The following MLLT6 variants were observed in gnomAD, a reference collection of about 807,000 sequenced individuals.
MLLT6 encodes the protein MLLT6, PHD finger containing.
MLLT6 carries 22 observed loss-of-function variants against 103.0 expected under a neutral mutation model. The ratio of observed to expected loss-of-function variants is 0.21; its 90% CI spans 0.15 to 0.31. The LOEUF (loss-of-function observed/expected upper bound fraction) is 0.31, where lower values mean the gene tolerates loss of function less well. MLLT6 is among the 10% of genes least tolerant of loss of function. MLLT6 has a pLI of 1.00. For synonymous variants in MLLT6, 606 were observed against 623.5 expected (o/e 0.97, Z 0.42); for missense variants, 1,199 against 1,441.7 (o/e 0.83, Z 2.73).
intron 12 of MLLT6, 148 bp from the exon 13 acceptor site, chr17:38,719,369 G>A: frequency 1.4e-6 from 1 of 735,844 alleles, no homozygotes; most frequent in Non-Finnish European, 2.3e-6. Flanking sequence ...AGGGCCCTCA[G>A]CGCTGGCCTT....
chr17:38,713,131 C>G (rs745643776), intron 8 of MLLT6: 1 of 704,028 alleles, frequency 1.4e-6, no homozygotes, highest in Admixed American at 2.0e-5. Flanking sequence ...CCCCAGAGAT[C>G]GGTAGAGGAC....
chr17:38,724,884 G>A lies in MLLT6; in HGVS notation c.3148G>A (p.Ala1050Thr). ...AGCAGCTGCAGCTGCAGCAGTAGCA[G>A]CAGCAGGCGGACCTCCAGTCCTCAC... ...AAAAAAAAVAAAGGPPVLTAQ... is the reference protein window; with the variant it reads ...AAAAAAAAVATAGGPPVLTAQ... The change falls in exon 19 of 20, where the codon GCA becomes ACA. Residue 1050 changes from alanine to threonine, a missense_variant. This residue lies in a region of MLLT6 where 55 missense variants were observed against 93.3 expected (regional missense o/e 0.59). Coordinates refer to ENST00000621332, the MANE Select transcript of MLLT6 (RefSeq NM_005937.4). This position sits in a 1 kb window ranked among gnomAD's most constrained non-coding sequence, Gnocchi z 5.4. 1 of 1,557,734 alleles carries A rather than the reference G, an allele frequency of 6.4e-7. No individual in the cohort carries two copies. The highest frequency in any genetic ancestry group is 8.7e-7 in the Non-Finnish European group (1 of 1,150,928).
In MLLT6 at chr17:38,707,019, C is replaced by T; in HGVS notation, c.179C>T (p.Ala60Val). Residue 60 changes from alanine (A) to valine (V), a missense_variant, in exon 2 of 20, where the codon GCA (alanine) becomes GTA (valine). Physicochemically the swap from Ala to Val is moderately conservative, Grantham distance 64. Transcript: ENST00000621332. The part of the protein sequence containing the change: ...FCRKCESQER[A>V]ARVRCELCPH... ...CGGAAATGTGAATCTCAGGAGCGAG[C>T]AGCCAGGGTGGTGAGTTCCAGACTG... is the stretch of plus-strand genomic sequence containing the variant. 6.2e-7 allele frequency: 1 copy of T among 1,611,440 alleles called. No homozygotes were observed. Among genetic ancestry groups the T allele is most frequent in the Non-Finnish European group, 8.5e-7 (1 of 1,177,926 alleles).
In MLLT6 at chr17:38,707,815, C is replaced by T. The variant is rs1904994479; in HGVS notation, c.297C>T (p.Asn99=). 1.9e-6 allele frequency: 3 copies of T among 1,613,974 alleles called. No homozygotes were observed. The highest frequency in any genetic ancestry group is 1.1e-5 in the South Asian group (1 of 91,014). Reference sequence around the variant, plus strand: ...ACATCCCCGAGGTGCAATTTGCCAACGTGCTCACCATGGAGCCCATCGTGC... The same window carrying T: ...ACATCCCCGAGGTGCAATTTGCCAATGTGCTCACCATGGAGCCCATCGTGC... ...ALYIPEVQFA[N]VLTMEPIVLQ... is the part of the protein sequence containing the mutation. Residue 99 remains asparagine, a synonymous_variant, in exon 4 of 20, where the codon AAC becomes AAT. Transcript: ENST00000621332.
chr17:38,719,295 C>T (rs1905537450), intron 12 of MLLT6: 1 of 564,364 alleles, frequency 1.8e-6, no homozygotes, highest in Non-Finnish European at 3.1e-6. Flanking sequence ...GTGGAGCCTT[C>T]AGCCCAGAGG....
In MLLT6 at chr17:38,707,818, G is replaced by A. The variant is rs1753569433; in HGVS notation, c.300G>A (p.Val100=). The A allele has an allele frequency of 6.2e-7, 1 of 1,613,786 alleles. No individual in the cohort carries two copies. Among genetic ancestry groups the A allele is most frequent in the Non-Finnish European group, 8.5e-7 (1 of 1,179,920 alleles). The change falls in exon 4 of 20, where the codon GTG becomes GTA. Residue 100 remains valine, a synonymous_variant. Coordinates refer to ENST00000621332, the MANE Select transcript of MLLT6 (RefSeq NM_005937.4). ...TCCCCGAGGTGCAATTTGCCAACGT[G>A]CTCACCATGGAGCCCATCGTGCTGC... The part of the protein sequence containing the change: ...LYIPEVQFAN[V]LTMEPIVLQY...
intron 12 of MLLT6, chr17:38,718,551 T>C (rs975587806): frequency 5.9e-5 from 9 of 152,044 alleles, no homozygotes. Context: ...GGGAAGTTAC[T>C]GCTCCATCTC....
chr17:38,719,457 C>T (rs2143697370), intron 12 of MLLT6, 60 bp from the exon 13 acceptor site: 1 of 1,414,344 alleles, frequency 7.1e-7, no homozygotes. Flanking sequence ...CATCTGGGGG[C>T]GGGGACCCTG....
Position 38,705,686 on chromosome 17 carries a change from C to G in MLLT6, c.54C>G (p.Ala18=), listed in dbSNP as rs572344811. The G allele has an allele frequency of 1.9e-6, 3 of 1,568,184 alleles. No individual in the cohort carries two copies. Among genetic ancestry groups the G allele is most frequent in the South Asian group, 1.1e-5 (1 of 87,332 alleles). Reference sequence around the variant, plus strand: ...TATGTTCGGACGAGAGGGGCTGGGCCGAGAACCCGCTGGTCTACTGCGATG... The same window carrying G: ...TATGTTCGGACGAGAGGGGCTGGGCGGAGAACCCGCTGGTCTACTGCGATG... ...CCVCSDERGW[A]ENPLVYCDGH... The change falls in exon 1 of 20, where the codon GCC becomes GCG. Residue 18 remains alanine (A), a synonymous_variant. Transcript: ENST00000621332.
chr17:38,719,311 G>GCTGCTCTCTTC, intron 12 of MLLT6: 1 of 584,748 alleles, frequency 1.7e-6, no homozygotes, highest in Non-Finnish European at 3.0e-6. Flanking sequence ...AGAGGAGGAA[G>GCTGCTCTCTTC]AGAGCAGATG....
chr17:38,721,859 C>T lies in MLLT6; in HGVS notation c.2443-19C>T. The T allele has an allele frequency of 1.3e-6, 2 of 1,530,910 alleles. No homozygotes were observed. The highest frequency in any genetic ancestry group is 2.4e-5 in the South Asian group (2 of 83,976). The allele number at this position is 1,530,910 out of a possible 1,614,324, so 94.8% of individuals were successfully genotyped here. On this transcript the variant is annotated intron_variant, in intron 16 of 19. Transcript: ENST00000621332. Reference sequence around the variant, plus strand: ...GTCATGCTGGCCCTCTGACCCCTCCCTTCCCCCTCCCTCCCCAGGACCCAC... The same window carrying T: ...GTCATGCTGGCCCTCTGACCCCTCCTTTCCCCCTCCCTCCCCAGGACCCAC...
chr17:38,720,365 T>G lies in MLLT6; in HGVS notation c.2156-7T>G. 1.5e-6 allele frequency: 2 copies of G among 1,331,802 alleles called. No individual in the cohort carries two copies. Among genetic ancestry groups the G allele is most frequent in the South Asian group, 1.1e-5 (1 of 87,288 alleles). 82.5% of individuals were successfully genotyped at this position (1,331,802 alleles called of 1,614,324 possible). A position where few individuals can be genotyped will look rare whatever the true frequency, so the allele number is the denominator to read the frequency against. ...CCCCTCCCTCAGGTTCCTCGCTCTC[T>G]CCGCAGTCGTGGAGATGCTGAAGGC... On this transcript the variant is annotated splice_polypyrimidine_tract_variant and splice_region_variant and intron_variant, in intron 14 of 19. Transcript: ENST00000621332.
At chr17:38,720,317 C>CT in intron 14 of MLLT6, 55 bp from the exon 15 acceptor site, 1 of 776,614 alleles carries the variant, frequency 1.3e-6, no homozygotes, top group South Asian at 1.6e-5. Flanking sequence ...CCCCGGTCCC[C>CT]TGGCCCCGCC....
intron 7 of MLLT6, 114 bp downstream of exon 7, chr17:38,712,128 T>G (rs917591863): frequency 9.5e-6 from 13 of 1,370,920 alleles, no homozygotes; most frequent in Admixed American, 7.0e-5. Flanking sequence ...GCCTTCTTCC[T>G]TCCTCTGAGG....
rs191490815 is a variant in MLLT6, at chr17:38,719,949, C to T, written c.2155+54C>T. The T allele has an allele frequency of 2.1e-3, 3,225 of 1,501,336 alleles. 75 individuals are homozygous for T. The African/African-American group carries it at 0.039, about 18-fold the overall frequency. 93.0% of individuals were successfully genotyped at this position (1,501,336 alleles called of 1,614,324 possible). ...CCTGCCCTAGGGCCCTAACAGTCAC[C>T]TTTCTCCCCGAGGTCCCCAAGCTTC... is the stretch of plus-strand genomic sequence containing the variant. On this transcript the variant is annotated intron_variant, in intron 14 of 19. Coordinates refer to ENST00000621332, the MANE Select transcript of MLLT6 (RefSeq NM_005937.4).
At chr17:38,710,807 C>A (rs904031336) in intron 6 of MLLT6, among the ~76,000 whole-genome samples, 1 of 152,106 alleles carries the variant, frequency 6.6e-6, no homozygotes, top group Non-Finnish European at 1.5e-5. Context: ...TTGAAAGTGT[C>A]CAGGTTTGGA....
chr17:38,720,485 C>T lies in MLLT6; in HGVS notation c.2269C>T (p.Leu757Phe). The change falls in exon 15 of 20, where the codon CTC becomes TTC. Residue 757 changes from leucine to phenylalanine, a missense_variant. Leu to Phe is a conservative substitution (Grantham distance 22). This residue lies in a region of MLLT6 where 1,034 missense variants were observed against 1,091.5 expected (regional missense o/e 0.95). Coordinates refer to ENST00000621332, the MANE Select transcript of MLLT6 (RefSeq NM_005937.4). Reference protein sequence around the residue: ...KERLQILNVQLSVPFPALPAA... With the variant: ...KERLQILNVQFSVPFPALPAA... ...GCGGCTGCAGATTCTCAACGTGCAG[C>T]TCTCTGTGCCCTTCCCTGCCCTGCC... The T allele has an allele frequency of 6.2e-7, 1 of 1,612,876 alleles. No individual in the cohort carries two copies. The highest frequency in any genetic ancestry group is 8.5e-7 in the Non-Finnish European group (1 of 1,179,922).
At position 38,709,396 on chromosome 17, in the gene MLLT6, G is replaced by A. The variant is rs1264370494; in HGVS notation, c.459-86G>A. The A allele has an allele frequency of 3.5e-6, 5 of 1,433,084 alleles. No homozygotes were observed. Among genetic ancestry groups the A allele is most frequent in the Non-Finnish European group, 3.9e-6 (4 of 1,015,210 alleles). 88.8% of individuals were successfully genotyped at this position (1,433,084 alleles called of 1,614,324 possible). On this transcript the variant is annotated intron_variant, in intron 5 of 19. Coordinates refer to ENST00000621332, the MANE Select transcript of MLLT6 (RefSeq NM_005937.4). This position sits in a 1 kb window ranked among gnomAD's most constrained non-coding sequence, Gnocchi z 4.3. Reference sequence around the variant, plus strand: ...CAATGCTTTGGATGGTCTTGGCTTCGCCTCAGCAGGGGGCCAGGAGGGTGA... The same window carrying A: ...CAATGCTTTGGATGGTCTTGGCTTCACCTCAGCAGGGGGCCAGGAGGGTGA...
rs1279419677 is a variant in MLLT6, at chr17:38,724,009, CTGGGATTATAGGCG to C, written c.2884-608_2884-595del. ...CCACCGGCCTCAGCCTCCCAAAGTG[CTGGGATTATAGGCG>C]TGAGCCACCGTGTCCGGCGAATTGA... On this transcript the variant is annotated intron_variant, in intron 18 of 19. Coordinates refer to ENST00000621332, the MANE Select transcript of MLLT6 (RefSeq NM_005937.4). The surrounding 1 kb of genome is among the most constrained non-coding windows in gnomAD (Gnocchi z 5.4). 3.3e-5 allele frequency among the ~76,000 whole-genome samples: 5 copies of C among 152,258 alleles called. No homozygotes were observed. The highest frequency in any genetic ancestry group is 7.4e-5 in the Non-Finnish European group (5 of 68,018).
Sources: allele counts gnomAD v4.1 joint callset (sites outside exome capture counted in the v4.1 genomes callset), GRCh38; gene constraint gnomAD v4.1.1; regional missense constraint gnomAD v4.1.1; non-coding constraint Gnocchi (gnomAD v3.1); transcripts MANE v1.5; gene names NCBI Gene and HGNC (gene_info 2026-07-23, HGNC 2026-07-21).